PWWP3B: variants seen among roughly 807,000 people sequenced by gnomAD.
The protein encoded by PWWP3B is PWWP domain containing 3B.
PWWP3B carries 5 observed loss-of-function variants against 15.7 expected under a neutral mutation model. That is an observed-to-expected ratio of 0.32 (90% confidence interval 0.17 to 0.67). The LOEUF (loss-of-function observed/expected upper bound fraction) is 0.67, where lower values mean the gene tolerates loss of function less well. PWWP3B is among the 30% of genes least tolerant of loss of function. The pLI is 0.74. For synonymous variants in PWWP3B, 203 were observed against 179.8 expected (o/e 1.13, Z -1.03); for missense variants, 519 against 493.1 (o/e 1.05, Z -0.50).
chrX:106,194,052 G>A (rs1251840589), intron 2 of PWWP3B, among the ~76,000 whole-genome samples: 3 of 110,953 alleles, frequency 2.7e-5, no homozygotes, highest in African/African-American at 6.6e-5. Context: ...TATCTTTGTG[G>A]CATTCTCTGT....
At chrX:106,192,637 T>G (rs1171464511) in intron 2 of PWWP3B, among the ~76,000 whole-genome samples, 5 of 111,148 alleles carry the variant, frequency 4.5e-5, no homozygotes, top group African/African-American at 6.5e-5. Context: ...TGATGTTAGG[T>G]TGTCAATTTT....
chrX:106,187,026 C>G (rs940093184), intron 2 of PWWP3B, among the ~76,000 whole-genome samples: 11 of 112,002 alleles, frequency 9.8e-5, no homozygotes, highest in Non-Finnish European at 1.5e-4. Flanking sequence ...CAAGTCCCCA[C>G]TCGACCCAGG....
At chrX:106,172,610 G>A (rs1921680248) in intron 2 of PWWP3B, among the ~76,000 whole-genome samples, 1 of 110,735 alleles carries the variant, frequency 9.0e-6, no homozygotes, top group South Asian at 3.8e-4. Context: ...AACACTCATG[G>A]TGCTGTTGTC....
chrX:106,188,971 T>C (rs1036058034), intron 2 of PWWP3B, among the ~76,000 whole-genome samples: 6 of 112,226 alleles, frequency 5.3e-5, no homozygotes, highest in African/African-American at 1.9e-4. Context: ...CTAGAATAGG[T>C]CTTTGTGTAT....
chrX:106,179,561 C>T (rs1156678975), intron 2 of PWWP3B, among the ~76,000 whole-genome samples: 2 of 111,416 alleles, frequency 1.8e-5, no homozygotes, highest in Admixed American at 1.9e-4. Flanking sequence ...ATCAGAGATG[C>T]ACTTGACATG....
intron 2 of PWWP3B, among the ~76,000 whole-genome samples, chrX:106,173,439 C>G (rs1428938976): frequency 9.0e-6 from 1 of 111,414 alleles, no homozygotes; most frequent in Non-Finnish European, 1.9e-5. Flanking sequence ...ATCTGATACC[C>G]ATTATTCGTT....
rs1226216081 is a variant in PWWP3B, at chrX:106,206,903, G to C, written c.1471G>C (p.Glu491Gln). Reference sequence around the variant, plus strand: ...TGGTTCTTTCACGGGCTCTTTGCTTGAGTATTATGCTGCTGATATTAGTTA... The same window carrying C: ...TGGTTCTTTCACGGGCTCTTTGCTTCAGTATTATGCTGCTGATATTAGTTA... The part of the protein sequence containing the change: ...GCGSFTGSLL[E>Q]YYAADISYPV... Residue 491 changes from glutamate (E) to glutamine (Q), a missense_variant, in exon 4 of 4, where the codon GAG becomes CAG. Physicochemically the swap from Glu to Gln is conservative, Grantham distance 29. Coordinates refer to ENST00000357175, the MANE Select transcript of PWWP3B (RefSeq NM_001171020.2). 1.7e-6 allele frequency: 2 copies of C among 1,210,633 alleles called. No individual in the cohort carries two copies. The highest frequency in any genetic ancestry group is 5.9e-5 in the East Asian group (2 of 33,841).
intron 2 of PWWP3B, among the ~76,000 whole-genome samples, chrX:106,181,046 T>C (rs1922164974): frequency 8.9e-6 from 1 of 111,949 alleles, no homozygotes; most frequent in Non-Finnish European, 1.9e-5. Flanking sequence ...CAGTGTCTCA[T>C]ATCTCCTTAC....
intron 2 of PWWP3B, among the ~76,000 whole-genome samples, chrX:106,195,760 T>C (rs1923340743): frequency 8.9e-6 from 1 of 112,001 alleles, no homozygotes; most frequent in Non-Finnish European, 1.9e-5. Flanking sequence ...TCAAAATTTG[T>C]CTGGCTGTTC....
At chrX:106,194,350 G>GC (rs1436182354) in intron 2 of PWWP3B, among the ~76,000 whole-genome samples, 3 of 111,865 alleles carry the variant, frequency 2.7e-5, no homozygotes, top group Admixed American at 1.9e-4. Context: ...TGAGGCTTCT[G>GC]CATTTGTCAT....
intron 2 of PWWP3B, among the ~76,000 whole-genome samples, chrX:106,193,029 G>T (rs1476411736): frequency 9.0e-6 from 1 of 111,612 alleles, no homozygotes; most frequent in African/African-American, 3.3e-5. Flanking sequence ...TTGATTTAGG[G>T]TGGAGAGTTC....
At chrX:106,195,475 G>A (rs915296162) in intron 2 of PWWP3B, among the ~76,000 whole-genome samples, 1 of 111,347 alleles carries the variant, frequency 9.0e-6, no homozygotes, top group Non-Finnish European at 1.9e-5. Context: ...TTATATTTAG[G>A]TCGCTAACCC....
intron 2 of PWWP3B, among the ~76,000 whole-genome samples, chrX:106,172,866 G>A (rs1042484223): frequency 4.5e-5 from 5 of 111,686 alleles, no homozygotes; most frequent in African/African-American, 1.6e-4. Flanking sequence ...TACACCAGCA[G>A]CACCACAAAC....
intron 2 of PWWP3B, among the ~76,000 whole-genome samples, chrX:106,200,500 T>TTA (rs1005301204): frequency 2.7e-5 from 3 of 111,041 alleles, no homozygotes; most frequent in Non-Finnish European, 3.8e-5. Context: ...AAAATTGTAA[T>TTA]TATATATATA....
intron 2 of PWWP3B, among the ~76,000 whole-genome samples, chrX:106,183,786 T>G (rs907013617): frequency 1.4e-4 from 16 of 112,118 alleles, no homozygotes; most frequent in Non-Finnish European, 2.6e-4. Flanking sequence ...CCTCAATGGT[T>G]AAACATATCC....
intron 2 of PWWP3B, among the ~76,000 whole-genome samples, chrX:106,192,300 T>A (rs1923033372): frequency 8.9e-6 from 1 of 112,062 alleles, no homozygotes; most frequent in Non-Finnish European, 1.9e-5. Flanking sequence ...ATTTATCCAT[T>A]TCTTCTAGAT....
chrX:106,181,104 T>G (rs1248484416), intron 2 of PWWP3B, among the ~76,000 whole-genome samples: 1 of 111,671 alleles, frequency 9.0e-6, no homozygotes. Flanking sequence ...GTGTCCAGAG[T>G]TGGTTCCTTC....
intron 2 of PWWP3B, among the ~76,000 whole-genome samples, chrX:106,199,899 A>G (rs1011349073): frequency 9.0e-6 from 1 of 111,513 alleles, no homozygotes; most frequent in Non-Finnish European, 1.9e-5. Context: ...TACGATTGTA[A>G]AAAAAAATTA....
At chrX:106,175,371 G>A (rs1343424122) in intron 2 of PWWP3B, among the ~76,000 whole-genome samples, 1 of 105,752 alleles carries the variant, frequency 9.5e-6, no homozygotes, top group African/African-American at 3.5e-5. Flanking sequence ...CTCCCGAGTA[G>A]CTGGGACTAC....
Sources: allele counts gnomAD v4.1 joint callset (sites outside exome capture counted in the v4.1 genomes callset), GRCh38; gene constraint gnomAD v4.1.1; transcripts MANE v1.5; gene names NCBI Gene and HGNC (gene_info 2026-07-23, HGNC 2026-07-21).